Variants in KCNH1 observed in about 807,000 individuals in gnomAD.
KCNH1 encodes voltage-gated delayed rectifier potassium channel KCNH1.
A neutral mutation model predicts 69.2 loss-of-function variants in KCNH1; 27 were observed. The observed-to-expected ratio is 0.39, with a 90% CI of 0.29 to 0.54. The LOEUF (loss-of-function observed/expected upper bound fraction) is 0.54, where lower values mean the gene tolerates loss of function less well. Among genes scored for constraint, KCNH1 ranks in the 20% least tolerant of loss-of-function variants. The pLI is 0.68. For missense variants in KCNH1, 798 were observed against 1,261.6 expected (o/e 0.63, Z 5.57); for synonymous variants, 456 against 487.7 (o/e 0.93, Z 0.86).
At chr1:211,094,907 C>G (rs550809387) in intron 3 of KCNH1, among the ~76,000 whole-genome samples, 7 of 152,206 alleles carry the variant, frequency 4.6e-5, no homozygotes, top group Non-Finnish European at 1.5e-5. Flanking sequence ...TGAAATATAA[C>G]TTAAAGATTC....
intron 7 of KCNH1, among the ~76,000 whole-genome samples, chr1:210,856,803 A>ATATT (rs1553352202): frequency 7.7e-6 from 1 of 129,106 alleles, no homozygotes; most frequent in Non-Finnish European, 1.6e-5. Flanking sequence ...ATTTATATTT[A>ATATT]TATATATATT....
chr1:210,734,113 T>C (rs1256393164), intron 10 of KCNH1, among the ~76,000 whole-genome samples: 7 of 152,172 alleles, frequency 4.6e-5, no homozygotes, highest in Admixed American at 4.6e-4. Context: ...ATCATAGACT[T>C]CAAAACTTAA....
chr1:210,715,151 G>GCTAT, intron 10 of KCNH1, among the ~76,000 whole-genome samples: 1 of 152,324 alleles, frequency 6.6e-6, no homozygotes, highest in South Asian at 2.1e-4. Context: ...GAAACCCCCA[G>GCTAT]CTATCTTCCA....
chr1:210,732,482 C>A (rs1314019169), intron 10 of KCNH1, among the ~76,000 whole-genome samples: 1 of 152,136 alleles, frequency 6.6e-6, no homozygotes, highest in East Asian at 1.9e-4. Context: ...TTTCACAAGC[C>A]AGCCATCTCA....
intron 7 of KCNH1, among the ~76,000 whole-genome samples, chr1:210,900,627 C>T (rs944002512): frequency 6.6e-6 from 1 of 152,112 alleles, no homozygotes; most frequent in Non-Finnish European, 1.5e-5. Flanking sequence ...CAATTAGCCA[C>T]CTTACTAATT....
At chr1:211,104,788 G>T (rs946937679) in intron 2 of KCNH1, among the ~76,000 whole-genome samples, 1 of 152,154 alleles carries the variant, frequency 6.6e-6, no homozygotes, top group African/African-American at 2.4e-5. Context: ...TGCACAAACT[G>T]CCATGGGTTC....
At chr1:211,107,105 T>C (rs1691360103) in intron 2 of KCNH1, 149 bp downstream of exon 2, 2 of 810,976 alleles carry the variant, frequency 2.5e-6, no homozygotes, top group Admixed American at 4.4e-5. Context: ...CCCTGTACAG[T>C]ACATGAACTA....
At chr1:211,012,957 T>C (rs1251326030) in intron 6 of KCNH1, among the ~76,000 whole-genome samples, 1 of 152,092 alleles carries the variant, frequency 6.6e-6, no homozygotes, top group Non-Finnish European at 1.5e-5. Flanking sequence ...AAGAATAAAG[T>C]CTACTAATTT....
intron 5 of KCNH1, among the ~76,000 whole-genome samples, chr1:211,039,855 A>C (rs1689958740): frequency 6.6e-6 from 1 of 152,044 alleles, no homozygotes; most frequent in Non-Finnish European, 1.5e-5. Flanking sequence ...GTCTCAGATG[A>C]GACTTTGGAC....
intron 10 of KCNH1, among the ~76,000 whole-genome samples, chr1:210,737,204 G>A (rs1187177280): frequency 1.3e-5 from 2 of 152,164 alleles, no homozygotes; most frequent in African/African-American, 4.8e-5. Context: ...ACAGGGAAAT[G>A]GTCTCAGAGC....
intron 7 of KCNH1, among the ~76,000 whole-genome samples, chr1:210,886,505 G>A (rs916475226): frequency 1.3e-5 from 2 of 152,064 alleles, no homozygotes; most frequent in South Asian, 2.1e-4. Context: ...AAGGATCACA[G>A]CTCCTCACCA....
At chr1:210,806,121 C>T (rs947687270) in intron 7 of KCNH1, among the ~76,000 whole-genome samples, 1 of 152,180 alleles carries the variant, frequency 6.6e-6, no homozygotes, top group Non-Finnish European at 1.5e-5. Flanking sequence ...CTAGGTTTAA[C>T]ATGTTGGAGA....
chr1:210,754,961 T>G (rs965001001), intron 10 of KCNH1, among the ~76,000 whole-genome samples: 43 of 152,040 alleles, frequency 2.8e-4, no homozygotes, highest in African/African-American at 1.0e-3. Flanking sequence ...CAAGCAAACT[T>G]CCAGCCATGG....
chr1:210,946,203 T>C (rs1687955322), intron 6 of KCNH1, among the ~76,000 whole-genome samples: 1 of 152,212 alleles, frequency 6.6e-6, no homozygotes, highest in Non-Finnish European at 1.5e-5. Flanking sequence ...CTCCTGCTCA[T>C]CTGGAGAATA....
intron 6 of KCNH1, among the ~76,000 whole-genome samples, chr1:210,992,835 G>A (rs1459602376): frequency 1.3e-5 from 2 of 152,102 alleles, no homozygotes; most frequent in African/African-American, 4.8e-5. Context: ...CCCTTAATGA[G>A]ACTTCTCCTA....
At chr1:210,812,789 C>G (rs573887283) in intron 7 of KCNH1, among the ~76,000 whole-genome samples, 1 of 152,142 alleles carries the variant, frequency 6.6e-6, no homozygotes, top group African/African-American at 2.4e-5. Flanking sequence ...AGAAGGAGCT[C>G]ACAAGTTAAA....
intron 6 of KCNH1, among the ~76,000 whole-genome samples, chr1:210,952,778 T>A (rs985185457): frequency 2.0e-5 from 3 of 152,204 alleles, no homozygotes; most frequent in African/African-American, 7.2e-5. Flanking sequence ...AAGGCTTCCA[T>A]GTACAGTTGA....
Position 210,683,260 on chromosome 1 carries a change from CTT to C in KCNH1, c.*19_*20del. On this transcript the variant is annotated 3_prime_UTR_variant, in exon 11 of 11. Coordinates refer to ENST00000271751, the MANE Select transcript of KCNH1 (RefSeq NM_172362.3). This position sits in a 1 kb window ranked among gnomAD's most constrained non-coding sequence, Gnocchi z 5.7. ...CAGGGTTGGAGGTATCTGTCTCTGA[CTT>C]TTTTTTTAAATAGACCTCTCAGCTG... 1 of 1,579,812 alleles carries C rather than the reference CTT, an allele frequency of 6.3e-7. No individual in the cohort carries two copies. Among genetic ancestry groups the C allele is most frequent in the Non-Finnish European group, 8.6e-7 (1 of 1,156,556 alleles).
At chr1:210,833,772 C>T (rs1273953989) in intron 7 of KCNH1, among the ~76,000 whole-genome samples, 5 of 152,118 alleles carry the variant, frequency 3.3e-5, no homozygotes, top group Non-Finnish European at 5.9e-5. Flanking sequence ...AGAAAATTTT[C>T]ACAACCTACT....
Sources: allele counts gnomAD v4.1 joint callset (sites outside exome capture counted in the v4.1 genomes callset), GRCh38; gene constraint gnomAD v4.1.1; non-coding constraint Gnocchi (gnomAD v3.1); transcripts MANE v1.5; gene names NCBI Gene and HGNC (gene_info 2026-07-23, HGNC 2026-07-21).